The following MAP3K21 variants were observed in gnomAD, a reference collection of about 807,000 sequenced individuals.
The protein encoded by MAP3K21 is mitogen-activated protein kinase kinase kinase MLK4.
Under a neutral mutation model 86.1 loss-of-function variants are expected in MAP3K21, and 63 were observed. The ratio of observed to expected loss-of-function variants is 0.73; its 90% CI spans 0.60 to 0.90. MAP3K21 has a LOEUF of 0.90. Ranked by LOEUF, MAP3K21 falls within the 40% of genes least tolerant of loss-of-function variation. The pLI, the probability that MAP3K21 is intolerant of heterozygous loss-of-function variation, is 0.00. For missense variants in MAP3K21, 1,220 were observed against 1,367.7 expected (o/e 0.89, Z 1.70); for synonymous variants, 558 against 564.8 (o/e 0.99, Z 0.17).
intron 8 of MAP3K21, among the ~76,000 whole-genome samples, chr1:233,377,164 TATTTA>T (rs1663814266): frequency 6.6e-6 from 1 of 152,230 alleles, no homozygotes; most frequent in Non-Finnish European, 1.5e-5. Context: ...CTGGAATTTC[TATTTA>T]ATTTAAATGA....
chr1:233,366,341 G>A lies in MAP3K21; in HGVS notation c.1552+4048G>A, dbSNP rs566044754. On this transcript the variant is annotated intron_variant, in intron 5 of 9. Transcript: ENST00000366624. ...TATATTTTCAAAAAGCCAGAAGAGA[G>A]GATATTGAATGTTCACAACACAAAG... Among the ~76,000 whole-genome samples the A allele has an allele frequency of 2.3e-4, 35 of 152,090 alleles. No individual in the cohort carries two copies. In the South Asian group the frequency reaches 7.3e-3, roughly 32 times the overall value.
intron 1 of MAP3K21, among the ~76,000 whole-genome samples, chr1:233,336,538 C>CAAAT (rs35056283): frequency 0.77 from 113,359 of 147,054 alleles, 43,944 homozygotes; most frequent in East Asian, 0.98. Flanking sequence ...CAGATGCCGT[C>CAAAT]AAATAAATAA....
chr1:233,362,216 A>C lies in MAP3K21; in HGVS notation c.1475A>C (p.Lys492Thr), dbSNP rs964751231. The change falls in exon 5 of 10, where the codon AAG becomes ACG. Residue 492 changes from lysine (K) to threonine (T), a missense_variant. Around this residue, in one of 5 missense-constraint regions of MAP3K21, gnomAD observed 632 missense variants for 691.3 expected, o/e 0.91. Coordinates refer to ENST00000366624, the MANE Select transcript of MAP3K21 (RefSeq NM_032435.3). ...LIFQLNQEKP[K>T]VKKRKGKFKR... ...TTCCAGCTAAACCAGGAGAAGCCCA[A>C]GGTAAAGAAGAGGAAGGGCAAGTTT... The C allele has an allele frequency of 6.2e-7, 1 of 1,614,248 alleles. No individual in the cohort carries two copies. Among genetic ancestry groups the C allele is most frequent in the East Asian group, 2.2e-5 (1 of 44,886 alleles).
chr1:233,344,879 T>G (rs1237386147), intron 1 of MAP3K21, among the ~76,000 whole-genome samples: 5 of 151,794 alleles, frequency 3.3e-5, no homozygotes, highest in Non-Finnish European at 7.4e-5. Context: ...TTAAACAAAT[T>G]TACAAGAAAA....
chr1:233,343,868 A>G (rs1331336570), intron 1 of MAP3K21, among the ~76,000 whole-genome samples: 2 of 152,238 alleles, frequency 1.3e-5, no homozygotes, highest in African/African-American at 4.8e-5. Context: ...TACTAAAACT[A>G]ACATTTGAAA....
chr1:233,336,360 G>A (rs936971694), intron 1 of MAP3K21, among the ~76,000 whole-genome samples: 2 of 151,976 alleles, frequency 1.3e-5, no homozygotes, highest in Non-Finnish European at 2.9e-5. Flanking sequence ...GGCCAACATG[G>A]TGAAACCCTG....
chr1:233,332,286 A>G (rs537197702), intron 1 of MAP3K21, among the ~76,000 whole-genome samples: 38 of 152,180 alleles, frequency 2.5e-4, no homozygotes, highest in South Asian at 1.5e-3. Context: ...AAAATTAAGC[A>G]TGGTAAGGGG....
At chr1:233,376,691 G>A (rs116390430) in intron 8 of MAP3K21, among the ~76,000 whole-genome samples, 164 bp downstream of exon 8, 2,618 of 152,242 alleles carry the variant, frequency 0.017, 63 homozygotes, top group African/African-American at 0.057. Flanking sequence ...GTTATTTTCC[G>A]TCAAGTATTT....
intron 1 of MAP3K21, among the ~76,000 whole-genome samples, chr1:233,343,352 C>T (rs965041935): frequency 6.6e-6 from 1 of 152,180 alleles, no homozygotes; most frequent in African/African-American, 2.4e-5. Flanking sequence ...GAGCACTTCA[C>T]ATGTATTCAT....
chr1:233,360,045 T>G (rs961846050), intron 4 of MAP3K21, among the ~76,000 whole-genome samples: 4 of 152,270 alleles, frequency 2.6e-5, no homozygotes, highest in Admixed American at 2.6e-4. Flanking sequence ...TTTATTCAAT[T>G]ACTATCGTAG....
Position 233,327,928 on chromosome 1 carries a change from C to T in MAP3K21, c.-101C>T, listed in dbSNP as rs918857903. On this transcript the variant is annotated 5_prime_UTR_variant, in exon 1 of 10. Coordinates refer to ENST00000366624, the MANE Select transcript of MAP3K21 (RefSeq NM_032435.3). ...ATCGCGATTCCTACCCCCTCGCCTTCCCCCGGCGCCGACGGCCACACCGCC... is the reference window on the plus strand; with the variant it reads ...ATCGCGATTCCTACCCCCTCGCCTTTCCCCGGCGCCGACGGCCACACCGCC... 8 of 966,650 alleles carry T rather than the reference C, an allele frequency of 8.3e-6. No individual in the cohort carries two copies. The highest frequency in any genetic ancestry group is 6.8e-5 in the African/African-American group (4 of 58,538). The allele number at this position is 966,650 out of a possible 1,614,324, so 59.9% of individuals were successfully genotyped here.
At chr1:233,358,826 T>C (rs1047792799) in intron 4 of MAP3K21, among the ~76,000 whole-genome samples, 4 of 152,082 alleles carry the variant, frequency 2.6e-5, no homozygotes, top group Non-Finnish European at 4.4e-5. Context: ...TGTTATTATC[T>C]GGAGACAGAG....
chr1:233,376,399 T>C, intron 7 of MAP3K21, 31 bp from the exon 8 acceptor site: 1 of 1,489,176 alleles, frequency 6.7e-7, no homozygotes, highest in Non-Finnish European at 9.4e-7. Context: ...TGTGCTTCTA[T>C]CTTATGAAAA....
chr1:233,335,463 A>G (rs1401752149), intron 1 of MAP3K21, among the ~76,000 whole-genome samples: 1 of 152,124 alleles, frequency 6.6e-6, no homozygotes, highest in Non-Finnish European at 1.5e-5. Context: ...AGCACTACTC[A>G]CAATTTATCC....
intron 1 of MAP3K21, among the ~76,000 whole-genome samples, chr1:233,339,267 CCTCT>C (rs1662977670): frequency 4.0e-4 from 10 of 25,140 alleles, no homozygotes; most frequent in Middle Eastern, 0.014. Context: ...TCTTCTTCTT[CCTCT>C]TCTTCTTCTT....
rs766318585 is a variant in MAP3K21 at position 233,346,656 on chromosome 1, C to G, written c.986+34C>G. 5.7e-6 allele frequency: 9 copies of G among 1,585,250 alleles called. No individual in the cohort carries two copies. The Admixed American group carries it at 1.4e-4, about 24-fold the overall frequency. On this transcript the variant is annotated intron_variant, in intron 2 of 9. Coordinates refer to ENST00000366624, the MANE Select transcript of MAP3K21 (RefSeq NM_032435.3). The stretch of plus-strand genomic sequence containing the variant: ...TTCCTTTTGCAAACATCGGCAGAAA[C>G]TGCTTGCTATGCTTTATTTCAGTAA...
At chr1:233,346,706 A>G (rs969992344) in intron 2 of MAP3K21, 84 bp downstream of exon 2, 11 of 1,193,622 alleles carry the variant, frequency 9.2e-6, no homozygotes, top group Non-Finnish European at 1.3e-5. Context: ...AGTAATTCTC[A>G]GCATAAATAG....
chr1:233,360,240 G>C (rs1413508689), intron 4 of MAP3K21, among the ~76,000 whole-genome samples: 1 of 152,122 alleles, frequency 6.6e-6, no homozygotes, highest in Non-Finnish European at 1.5e-5. Flanking sequence ...ATAGTAAAAT[G>C]TCCAATTTGG....
rs183019834 is a variant in MAP3K21, at chr1:233,341,027, A to G, written c.806-5415A>G. ...AGGAGCTGAAAAAATTCTGTGCCTC[A>G]TGGTTGAATAAGTAGGCTAAGTACA... On this transcript the variant is annotated intron_variant, in intron 1 of 9. Transcript: ENST00000366624. Among the ~76,000 whole-genome samples, 13 of 152,332 alleles carry G rather than the reference A, an allele frequency of 8.5e-5. 1 individual carries two copies. The South Asian group carries it at 2.7e-3, about 32-fold the overall frequency.
Sources: gnomAD v4.1 joint callset for allele counts (sites outside exome capture counted in the v4.1 genomes callset) on GRCh38, gnomAD v4.1.1 for gene constraint, gnomAD v4.1.1 regional missense constraint, MANE v1.5 for transcripts, NCBI Gene and HGNC (gene_info 2026-07-23, HGNC 2026-07-21) for gene names.